The following SERPINB13 variants were observed in gnomAD, a reference collection of about 807,000 sequenced individuals.
SERPINB13 encodes serpin B13.
Under a neutral mutation model 31.2 loss-of-function variants are expected in SERPINB13, and 26 were observed. The ratio of observed to expected loss-of-function variants is 0.83; its 90% CI spans 0.61 to 1.15. SERPINB13 has a LOEUF of 1.15. SERPINB13 is among the 50% of genes most tolerant of loss of function. SERPINB13 has a pLI of 0.00. For synonymous variants in SERPINB13, 191 were observed against 172.4 expected (o/e 1.11, Z -0.85); for missense variants, 510 against 469.4 (o/e 1.09, Z -0.80).
chr18:63,592,269 G>A, intron 3 of SERPINB13, 79 bp from the exon 4 acceptor site: 1 of 1,493,478 alleles, frequency 6.7e-7, no homozygotes, highest in Non-Finnish European at 9.0e-7. Context: ...GAGAGACCCA[G>A]CAGCCGCATC....
At chr18:63,589,594 C>A in intron 2 of SERPINB13, 62 bp from the exon 3 acceptor site, 1 of 1,584,564 alleles carries the variant, frequency 6.3e-7, no homozygotes, top group Middle Eastern at 1.7e-4. Flanking sequence ...TCTCCCCTGA[C>A]TGATTCTGTG....
chr18:63,597,166 G>T lies in SERPINB13; in HGVS notation c.979G>T (p.Ala327Ser). The T allele has an allele frequency of 6.2e-7, 1 of 1,614,192 alleles. No individual in the cohort carries two copies. Among genetic ancestry groups the T allele is most frequent in the South Asian group, 1.1e-5 (1 of 91,086 alleles). Reference sequence around the variant, plus strand: ...AATGTCGTCAGGCTCCGGGTTGTACGCCCAGAAGTTCCTGCACAGTTCCTT... The same window carrying T: ...AATGTCGTCAGGCTCCGGGTTGTACTCCCAGAAGTTCCTGCACAGTTCCTT... ...SGMSSGSGLYAQKFLHSSFVA... is the reference protein window; with the variant it reads ...SGMSSGSGLYSQKFLHSSFVA... Residue 327 changes from alanine to serine, a missense_variant, in exon 8 of 8, where the codon GCC (alanine) becomes TCC (serine). Coordinates refer to ENST00000344731, the MANE Select transcript of SERPINB13 (RefSeq NM_012397.4).
At chr18:63,589,451 TCACACACACACACACACACACA>T (rs112829867) in intron 2 of SERPINB13, among the ~76,000 whole-genome samples, 183 bp from the exon 3 acceptor site, 13 of 111,890 alleles carry the variant, frequency 1.2e-4, no homozygotes, top group Non-Finnish European at 2.3e-4. Flanking sequence ...CAAAACTCCA[TCACACACACACACACACACACA>T]CACACACACA....
intron 3 of SERPINB13, 98 bp downstream of exon 3, chr18:63,589,813 G>C: frequency 1.9e-6 from 3 of 1,591,468 alleles, no homozygotes; most frequent in Non-Finnish European, 2.6e-6. Context: ...GAAAAGGACT[G>C]AGAAAGGCAT....
At chr18:63,588,051 C>T (rs1014801301) in intron 1 of SERPINB13, among the ~76,000 whole-genome samples, 1 of 152,146 alleles carries the variant, frequency 6.6e-6, no homozygotes, top group Non-Finnish European at 1.5e-5. Flanking sequence ...AAATTCAGCC[C>T]AGAGTCAAGT....
rs1314298492 is a variant in SERPINB13, at chr18:63,597,037, C to T, written c.850C>T (p.His284Tyr). The T allele has an allele frequency of 6.2e-7, 1 of 1,614,140 alleles. No individual in the cohort carries two copies. The highest frequency in any genetic ancestry group is 2.2e-5 in the East Asian group (1 of 44,892). ...TATGGAAGAAAGAAAGGTGAATCTG[C>T]ACTTGCCCCGGTTTGAGGTGGAGGA... ...GHMEERKVNL[H>Y]LPRFEVEDGY... is the part of the protein sequence containing the mutation. Residue 284 changes from histidine to tyrosine, a missense_variant, in exon 8 of 8, where the codon CAC becomes TAC. Transcript: ENST00000344731.
chr18:63,597,045 C>T lies in SERPINB13; in HGVS notation c.858C>T (p.Pro286=). 1.2e-6 allele frequency: 2 copies of T among 1,614,078 alleles called. No homozygotes were observed. The highest frequency in any genetic ancestry group is 1.7e-6 in the Non-Finnish European group (2 of 1,180,014). ...AAAGAAAGGTGAATCTGCACTTGCCCCGGTTTGAGGTGGAGGACGGTTACG... is the reference window on the plus strand; with the variant it reads ...AAAGAAAGGTGAATCTGCACTTGCCTCGGTTTGAGGTGGAGGACGGTTACG... ...MEERKVNLHL[P]RFEVEDGYDL... The change falls in exon 8 of 8, where the codon CCC becomes CCT. Residue 286 remains proline, a synonymous_variant. Coordinates refer to ENST00000344731, the MANE Select transcript of SERPINB13 (RefSeq NM_012397.4).
chr18:63,588,417 A>C (rs1420251763), intron 1 of SERPINB13, among the ~76,000 whole-genome samples: 1 of 152,174 alleles, frequency 6.6e-6, no homozygotes, highest in Non-Finnish European at 1.5e-5. Flanking sequence ...CTCCGCGGGG[A>C]AATAAGAACT....
chr18:63,589,602 G>T, intron 2 of SERPINB13, 54 bp from the exon 3 acceptor site: 1 of 1,593,954 alleles, frequency 6.3e-7, no homozygotes, highest in Non-Finnish European at 8.5e-7. Flanking sequence ...GACTGATTCT[G>T]TGTGAGGTTT....
chr18:63,590,374 G>T (rs576584022), intron 3 of SERPINB13, among the ~76,000 whole-genome samples: 1 of 152,262 alleles, frequency 6.6e-6, no homozygotes, highest in South Asian at 2.1e-4. Context: ...CTCAGGAAGG[G>T]CACAGCTGCT....
chr18:63,592,074 G>A (rs140879773), intron 3 of SERPINB13, among the ~76,000 whole-genome samples: 1 of 152,118 alleles, frequency 6.6e-6, no homozygotes, highest in Non-Finnish European at 1.5e-5. Context: ...TTTTATTTGA[G>A]ACCAAAAAAG....
rs534246315 is a variant in SERPINB13, at chr18:63,597,130, G to T, written c.943G>T (p.Asp315Tyr). The T allele has an allele frequency of 4.3e-6, 7 of 1,614,194 alleles. No homozygotes were observed. Among genetic ancestry groups the T allele is most frequent in the Non-Finnish European group, 3.4e-6 (4 of 1,180,040 alleles). Residue 315 changes from aspartate (D) to tyrosine (Y), a missense_variant, in exon 8 of 8, where the codon GAC (aspartate) becomes TAC (tyrosine). Asp to Tyr is a radical substitution (Grantham distance 160, BLOSUM62 -3). Transcript: ENST00000344731. ...MGDAFSEHKA[D>Y]YSGMSSGSGL... The stretch of plus-strand genomic sequence containing the variant: ...CGATGCCTTCAGTGAGCACAAAGCC[G>T]ACTACTCGGGAATGTCGTCAGGCTC...
chr18:63,589,344 T>C (rs1476866329), intron 2 of SERPINB13, among the ~76,000 whole-genome samples: 8 of 152,010 alleles, frequency 5.3e-5, no homozygotes, highest in Admixed American at 5.2e-4. Context: ...TAATCCCAGC[T>C]ACTCGGAAGG....
chr18:63,597,937 T>C lies in SERPINB13; in HGVS notation c.*574T>C, dbSNP rs1912284328. On this transcript the variant is annotated 3_prime_UTR_variant, in exon 8 of 8. Transcript: ENST00000344731. ...GTATTTTCATCTTCCATTCTAACATTATCCATTGTTAGATGCATAAGCATT... is the reference window on the plus strand; with the variant it reads ...GTATTTTCATCTTCCATTCTAACATCATCCATTGTTAGATGCATAAGCATT... 1 of 152,636 alleles carries C rather than the reference T, an allele frequency of 6.6e-6. No homozygotes were observed. The highest frequency in any genetic ancestry group is 2.1e-4 in the South Asian group (1 of 4,834). 9.5% of individuals were successfully genotyped at this position (152,636 alleles called of 1,614,324 possible).
rs780896015 is a variant in SERPINB13, at chr18:63,594,452, G to A, written c.570G>A (p.Glu190=). 4 of 1,614,150 alleles carry A rather than the reference G, an allele frequency of 2.5e-6. No individual in the cohort carries two copies. Among genetic ancestry groups the A allele is most frequent in the South Asian group, 2.2e-5 (2 of 91,084 alleles). ...ATTTTAAAGGGCAATGGGACAGGGA[G>A]TTTAAGAAAGAAAATACTAAGGAAG... The part of the protein sequence containing the change: ...MVYFKGQWDR[E]FKKENTKEEK... Residue 190 remains glutamate (E), a synonymous_variant, in exon 6 of 8, where the codon GAG becomes GAA. Transcript: ENST00000344731.
At position 63,597,035 on chromosome 18, in the gene SERPINB13, T is replaced by C. The variant is rs756690509; in HGVS notation, c.848T>C (p.Leu283Pro). The C allele has an allele frequency of 6.2e-7, 1 of 1,614,090 alleles. No homozygotes were observed. The highest frequency in any genetic ancestry group is 1.7e-5 in the Admixed American group (1 of 60,006). Residue 283 changes from leucine (L) to proline (P), a missense_variant, in exon 8 of 8, where the codon CTG (leucine) becomes CCG (proline). Physicochemically the swap from Leu to Pro is moderately conservative, Grantham distance 98 (BLOSUM62 -3). Coordinates refer to ENST00000344731, the MANE Select transcript of SERPINB13 (RefSeq NM_012397.4). ...CATATGGAAGAAAGAAAGGTGAATC[T>C]GCACTTGCCCCGGTTTGAGGTGGAG... is the stretch of plus-strand genomic sequence containing the variant. ...PGHMEERKVN[L>P]HLPRFEVEDG...
chr18:63,592,533 C>T, intron 4 of SERPINB13, 57 bp downstream of exon 4: 1 of 1,565,736 alleles, frequency 6.4e-7, no homozygotes, highest in Non-Finnish European at 8.7e-7. Flanking sequence ...GCCAAATGGC[C>T]CTGGTAGGAC....
At position 63,597,508 on chromosome 18, in the gene SERPINB13, C is replaced by A; in HGVS notation, c.*145C>A. ...CATCAAATCAATGATTTAATGACTC[C>A]AATAATGTGTGTGTTTATAACCATC... On this transcript the variant is annotated 3_prime_UTR_variant, in exon 8 of 8. Transcript: ENST00000344731. The A allele has an allele frequency of 3.6e-6, 3 of 830,730 alleles. No homozygotes were observed. The highest frequency in any genetic ancestry group is 5.6e-6 in the Non-Finnish European group (3 of 537,608). The allele number at this position is 830,730 out of a possible 1,614,324, so 51.5% of individuals were successfully genotyped here.
At position 63,597,414 on chromosome 18, in the gene SERPINB13, G is replaced by T; in HGVS notation, c.*51G>T. Reference sequence around the variant, plus strand: ...CTTTTAGCAAAAAACAACTACCAGTGTTACTCATATGATTATGAAAATCGT... The same window carrying T: ...CTTTTAGCAAAAAACAACTACCAGTTTTACTCATATGATTATGAAAATCGT... On this transcript the variant is annotated 3_prime_UTR_variant, in exon 8 of 8. Coordinates refer to ENST00000344731, the MANE Select transcript of SERPINB13 (RefSeq NM_012397.4). The T allele has an allele frequency of 1.3e-6, 2 of 1,524,178 alleles. No homozygotes were observed. The highest frequency in any genetic ancestry group is 1.8e-6 in the Non-Finnish European group (2 of 1,126,800). The allele number at this position is 1,524,178 out of a possible 1,614,324, so 94.4% of individuals were successfully genotyped here. A position where few individuals can be genotyped will look rare whatever the true frequency, so the allele number is the denominator to read the frequency against.
Sources: gnomAD v4.1 joint callset for allele counts (sites outside exome capture counted in the v4.1 genomes callset) on GRCh38, gnomAD v4.1.1 for gene constraint, MANE v1.5 for transcripts, NCBI Gene and HGNC (gene_info 2026-07-23, HGNC 2026-07-21) for gene names.